The following MTSS1 variants were observed in gnomAD, a reference collection of about 807,000 sequenced individuals.
MTSS1 encodes protein MTSS 1.
A neutral mutation model predicts 79.0 loss-of-function variants in MTSS1; 18 were observed. That is an observed-to-expected ratio of 0.23 (90% CI 0.16 to 0.34). The LOEUF is 0.34. Ranked by LOEUF, MTSS1 falls within the 10% of genes least tolerant of loss-of-function variation. MTSS1 has a pLI of 1.00. For synonymous variants in MTSS1, 341 were observed against 368.6 expected (o/e 0.93, Z 0.86); for missense variants, 815 against 986.2 (o/e 0.83, Z 2.33).
intron 2 of MTSS1, among the ~76,000 whole-genome samples, chr8:124,700,876 G>A (rs1829603376): frequency 6.6e-6 from 1 of 152,104 alleles, no homozygotes; most frequent in Non-Finnish European, 1.5e-5. Flanking sequence ...GCGTTCCTAA[G>A]GATGCAAAGT....
At chr8:124,581,734 G>A (rs1044148721) in intron 6 of MTSS1, among the ~76,000 whole-genome samples, 4 of 152,184 alleles carry the variant, frequency 2.6e-5, no homozygotes, top group East Asian at 1.9e-4. Flanking sequence ...GATTACAGGC[G>A]TGAGCCACCA....
intron 1 of MTSS1, among the ~76,000 whole-genome samples, chr8:124,725,509 TTTATCAAGATGGCA>T (rs1207341597): frequency 6.6e-6 from 1 of 152,218 alleles, no homozygotes; most frequent in Non-Finnish European, 1.5e-5. Context: ...CCTAAAAATT[TTTATCAAGATGGCA>T]TTCCAAATGG....
chr8:124,576,610 T>G (rs929626759), intron 6 of MTSS1, among the ~76,000 whole-genome samples: 10 of 152,128 alleles, frequency 6.6e-5, no homozygotes, highest in African/African-American at 2.2e-4. Context: ...AACTAATAAA[T>G]GGAGGCTGGA....
intron 3 of MTSS1, among the ~76,000 whole-genome samples, chr8:124,615,814 C>T (rs1249210410): frequency 6.6e-6 from 1 of 152,202 alleles, no homozygotes; most frequent in Non-Finnish European, 1.5e-5. Flanking sequence ...CAAGAACAAG[C>T]AGTGCCTCCT....
intron 3 of MTSS1, among the ~76,000 whole-genome samples, chr8:124,625,679 C>T (rs771415070): frequency 6.6e-5 from 10 of 152,208 alleles, no homozygotes; most frequent in Non-Finnish European, 1.5e-4. Context: ...ACAAAAACTG[C>T]AGCTTTGAGA....
chr8:124,655,523 G>T (rs1820782147), intron 3 of MTSS1, among the ~76,000 whole-genome samples: 1 of 152,162 alleles, frequency 6.6e-6, no homozygotes, highest in Non-Finnish European at 1.5e-5. Context: ...TCAACAAATA[G>T]TCATCTGGCA....
chr8:124,606,004 T>C (rs1251159203), intron 3 of MTSS1, among the ~76,000 whole-genome samples: 1 of 148,192 alleles, frequency 6.7e-6, no homozygotes, highest in Non-Finnish European at 1.5e-5. Flanking sequence ...TCTCACTCTG[T>C]TGTCCAGGCT....
chr8:124,666,256 T>TA (rs1310494039), intron 3 of MTSS1, among the ~76,000 whole-genome samples: 7 of 152,176 alleles, frequency 4.6e-5, no homozygotes, highest in African/African-American at 1.7e-4. Context: ...AATCAATGAA[T>TA]AAATGGACAC....
chr8:124,694,701 T>G (rs1257696923), intron 3 of MTSS1, among the ~76,000 whole-genome samples: 1 of 152,108 alleles, frequency 6.6e-6, no homozygotes, highest in African/African-American at 2.4e-5. Flanking sequence ...CCCAGACAAA[T>G]GCATGCCACT....
At chr8:124,662,236 A>C (rs1482280299) in intron 3 of MTSS1, among the ~76,000 whole-genome samples, 1 of 152,084 alleles carries the variant, frequency 6.6e-6, no homozygotes, top group Non-Finnish European at 1.5e-5. Context: ...GGAAGACCAT[A>C]ATCCAATGAC....
intron 9 of MTSS1, chr8:124,563,273 C>A (rs1168631313): frequency 2.3e-6 from 1 of 441,376 alleles, no homozygotes; most frequent in Non-Finnish European, 4.1e-6. Flanking sequence ...GGCATTCTTA[C>A]GAGGGAGGTC....
At chr8:124,568,576 C>A in intron 6 of MTSS1, 40 bp from the exon 7 acceptor site, 1 of 1,613,728 alleles carries the variant, frequency 6.2e-7, no homozygotes, top group Non-Finnish European at 8.5e-7. Flanking sequence ...TGCTGAAATA[C>A]CAGCTTCTGG....
intron 3 of MTSS1, among the ~76,000 whole-genome samples, chr8:124,592,690 T>C (rs1223343775): frequency 6.6e-6 from 1 of 152,214 alleles, no homozygotes; most frequent in African/African-American, 2.4e-5. Flanking sequence ...TATTTCAGTC[T>C]GAAGAGAGAA....
intron 3 of MTSS1, among the ~76,000 whole-genome samples, chr8:124,690,775 T>C (rs1827811068): frequency 6.6e-6 from 1 of 152,222 alleles, no homozygotes; most frequent in Admixed American, 6.5e-5. Context: ...CTCCTAAATA[T>C]ACGTACTTGC....
chr8:124,708,184 G>A lies in MTSS1; in HGVS notation c.73-3993C>T, dbSNP rs138097011. On this transcript the variant is annotated intron_variant, in intron 1 of 13. Coordinates refer to ENST00000518547, the MANE Select transcript of MTSS1 (RefSeq NM_014751.6). ...ACCTTAGCTCTCCCATTTGCTATGCGACACTGGGCAAGTTATTTGACCTCT... is the reference window on the plus strand; with the variant it reads ...ACCTTAGCTCTCCCATTTGCTATGCAACACTGGGCAAGTTATTTGACCTCT... Among the ~76,000 whole-genome samples the A allele has an allele frequency of 5.9e-5, 9 of 152,296 alleles. No individual in the cohort carries two copies. In the East Asian group the frequency reaches 7.7e-4, roughly 13 times the overall value.
chr8:124,554,657 G>A (rs1369910940), intron 13 of MTSS1, among the ~76,000 whole-genome samples: 1 of 152,160 alleles, frequency 6.6e-6, no homozygotes, highest in East Asian at 1.9e-4. Flanking sequence ...AAGAACTTGG[G>A]CATTACACTC....
At chr8:124,668,359 T>G (rs952880612) in intron 3 of MTSS1, among the ~76,000 whole-genome samples, 33 of 152,214 alleles carry the variant, frequency 2.2e-4, no homozygotes, top group Admixed American at 6.5e-4. Context: ...CAGATCTGCT[T>G]CATCCAACAG....
intron 3 of MTSS1, among the ~76,000 whole-genome samples, chr8:124,641,269 C>T (rs1817998446): frequency 1.3e-5 from 2 of 152,150 alleles, no homozygotes; most frequent in Admixed American, 6.5e-5. Context: ...CCCTCCAGAC[C>T]CCCCAATCCC....
At chr8:124,580,637 G>A in intron 6 of MTSS1, 1 of 1,490,998 alleles carries the variant, frequency 6.7e-7, no homozygotes, top group East Asian at 2.5e-5. Context: ...AAGTCAAACT[G>A]GTATTCAAGC....
Sources: allele counts gnomAD v4.1 joint callset (sites outside exome capture counted in the v4.1 genomes callset), GRCh38; gene constraint gnomAD v4.1.1; transcripts MANE v1.5; gene names NCBI Gene and HGNC (gene_info 2026-07-23, HGNC 2026-07-21).